Variants in ACTR2 observed in about 807,000 individuals in gnomAD.
ACTR2 encodes actin-related protein 2.
Under a neutral mutation model 50.2 loss-of-function variants are expected in ACTR2, and 5 were observed. That is an observed-to-expected ratio of 0.10 (90% CI 0.05 to 0.21). The LOEUF is 0.21. ACTR2 is among the 10% of genes least tolerant of loss of function. The probability of loss-of-function intolerance (pLI) is 1.00; values close to 1 mark genes in which losing one functional copy is unlikely to be tolerated. For synonymous variants in ACTR2, 140 were observed against 162.9 expected (o/e 0.86, Z 1.07); for missense variants, 180 against 480.6 (o/e 0.37, Z 5.85).
intron 2 of ACTR2, among the ~76,000 whole-genome samples, chr2:65,245,891 ATCTT>A: frequency 6.6e-6 from 1 of 152,294 alleles, no homozygotes; most frequent in East Asian, 1.9e-4. Flanking sequence ...ATTTGCCTAT[ATCTT>A]AATTTTTTAT....
At chr2:65,232,249 T>A (rs1316336421) in intron 1 of ACTR2, among the ~76,000 whole-genome samples, 1 of 152,182 alleles carries the variant, frequency 6.6e-6, no homozygotes, top group Non-Finnish European at 1.5e-5. Context: ...TTCATCAGCA[T>A]TGAGTTAGAT....
chr2:65,232,749 T>C (rs762852924), intron 1 of ACTR2, among the ~76,000 whole-genome samples: 3 of 152,026 alleles, frequency 2.0e-5, no homozygotes, highest in Non-Finnish European at 4.4e-5. Flanking sequence ...GTTCATATTC[T>C]TACCATTTGA....
intron 3 of ACTR2, among the ~76,000 whole-genome samples, chr2:65,248,083 T>G (rs1263361000): frequency 6.6e-6 from 1 of 152,122 alleles, no homozygotes; most frequent in Non-Finnish European, 1.5e-5. Context: ...GAGTAAGTAA[T>G]ATTGGTGCCT....
intron 1 of ACTR2, among the ~76,000 whole-genome samples, chr2:65,233,278 A>G (rs1414834212): frequency 2.0e-5 from 3 of 151,974 alleles, no homozygotes; most frequent in Admixed American, 6.6e-5. Flanking sequence ...TATAGGCGTG[A>G]GCACTGCGCC....
At chr2:65,232,859 A>G (rs1671665918) in intron 1 of ACTR2, among the ~76,000 whole-genome samples, 1 of 152,226 alleles carries the variant, frequency 6.6e-6, no homozygotes, top group African/African-American at 2.4e-5. Flanking sequence ...CTTACTGCAC[A>G]CAATGAAAGA....
intron 6 of ACTR2, among the ~76,000 whole-genome samples, chr2:65,259,203 C>G (rs1672214990): frequency 6.6e-6 from 1 of 151,880 alleles, no homozygotes; most frequent in African/African-American, 2.4e-5. Flanking sequence ...ATGGGAGGAT[C>G]ATTTGAGCCC....
chr2:65,268,329 C>T (rs576547475), intron 8 of ACTR2, among the ~76,000 whole-genome samples: 2 of 152,088 alleles, frequency 1.3e-5, no homozygotes, highest in Non-Finnish European at 2.9e-5. Context: ...TGATGGGACA[C>T]CACGTGTAAA....
intron 1 of ACTR2, among the ~76,000 whole-genome samples, chr2:65,228,984 G>C (rs1247091757): frequency 6.6e-6 from 1 of 152,082 alleles, no homozygotes; most frequent in African/African-American, 2.4e-5. Flanking sequence ...GGAGGCTGAG[G>C]CAGGAGAATC....
intron 1 of ACTR2, among the ~76,000 whole-genome samples, chr2:65,235,527 C>T (rs1198791828): frequency 1.3e-5 from 2 of 152,166 alleles, no homozygotes; most frequent in Non-Finnish European, 2.9e-5. Context: ...GAGGCTGAGG[C>T]GAGTGGATCA....
At chr2:65,231,465 T>C (rs1026443760) in intron 1 of ACTR2, among the ~76,000 whole-genome samples, 4 of 152,234 alleles carry the variant, frequency 2.6e-5, no homozygotes, top group African/African-American at 9.6e-5. Context: ...GATATTCAGA[T>C]GTAATTTTGC....
intron 7 of ACTR2, 104 bp from the exon 8 acceptor site, chr2:65,264,939 T>C: frequency 7.4e-7 from 1 of 1,345,958 alleles, no homozygotes; most frequent in Non-Finnish European, 1.0e-6. Context: ...TGGAATTTTA[T>C]TTAATTCTCC....
At chr2:65,239,558 G>C (rs1411434282) in intron 1 of ACTR2, among the ~76,000 whole-genome samples, 1 of 152,242 alleles carries the variant, frequency 6.6e-6, no homozygotes, top group African/African-American at 2.4e-5. Context: ...TTAGGTATTG[G>C]ATTCCAGCAC....
chr2:65,228,123 C>T lies in ACTR2; in HGVS notation c.48+166C>T, dbSNP rs901539992. ...GGCGTGGGAGCGAGCCGGCCGTTCCCTGGTCTCCCTTGAGCCTGCCACCCA... is the reference window on the plus strand; with the variant it reads ...GGCGTGGGAGCGAGCCGGCCGTTCCTTGGTCTCCCTTGAGCCTGCCACCCA... On this transcript the variant is annotated intron_variant, in intron 1 of 8. Coordinates refer to ENST00000260641, the MANE Select transcript of ACTR2 (RefSeq NM_005722.4). 3 of 551,978 alleles carry T rather than the reference C, an allele frequency of 5.4e-6. No homozygotes were observed. In the African/African-American group the frequency reaches 6.0e-5, roughly 11 times the overall value. 34.2% of individuals were successfully genotyped at this position (551,978 alleles called of 1,614,324 possible). A position where few individuals can be genotyped will look rare whatever the true frequency, so the allele number is the denominator to read the frequency against.
At chr2:65,267,082 G>T (rs973099571) in intron 8 of ACTR2, among the ~76,000 whole-genome samples, 1 of 152,196 alleles carries the variant, frequency 6.6e-6, no homozygotes, top group African/African-American at 2.4e-5. Context: ...TAAAGCAGTT[G>T]AGGTATTTAC....
intron 8 of ACTR2, among the ~76,000 whole-genome samples, chr2:65,267,982 A>G (rs569294517): frequency 8.4e-5 from 12 of 142,396 alleles, no homozygotes; most frequent in South Asian, 2.3e-4. Flanking sequence ...GACTACAGGC[A>G]CCCACTACCA....
At chr2:65,228,058 C>G (rs1671560290) in intron 1 of ACTR2, 101 bp downstream of exon 1, 1 of 1,187,182 alleles carries the variant, frequency 8.4e-7, no homozygotes, top group Admixed American at 4.2e-5. Flanking sequence ...TCCGGGCCCT[C>G]GGGGCGAAGG....
At chr2:65,234,956 T>C (rs957736198) in intron 1 of ACTR2, among the ~76,000 whole-genome samples, 6 of 152,088 alleles carry the variant, frequency 3.9e-5, no homozygotes, top group African/African-American at 1.4e-4. Context: ...TAATTTAATA[T>C]CAAAATAGTA....
At chr2:65,259,734 AAAATT>A (rs1672229041) in intron 6 of ACTR2, among the ~76,000 whole-genome samples, 1 of 152,170 alleles carries the variant, frequency 6.6e-6, no homozygotes, top group Non-Finnish European at 1.5e-5. Flanking sequence ...GTCTCAAAAA[AAAATT>A]AAATTATAAA....
intron 3 of ACTR2, among the ~76,000 whole-genome samples, chr2:65,249,452 T>A (rs1242966252): frequency 6.6e-6 from 1 of 152,218 alleles, no homozygotes; most frequent in African/African-American, 2.4e-5. Context: ...TTAACATGCT[T>A]TCACATTGGT....
Sources: gnomAD v4.1 joint callset for allele counts (sites outside exome capture counted in the v4.1 genomes callset) on GRCh38, gnomAD v4.1.1 for gene constraint, MANE v1.5 for transcripts, NCBI Gene and HGNC (gene_info 2026-07-23, HGNC 2026-07-21) for gene names.